AUTS2: variants seen among roughly 807,000 people sequenced by gnomAD.
AUTS2 encodes the protein activator of transcription and developmental regulator AUTS2.
A neutral mutation model predicts 112.4 loss-of-function variants in AUTS2; 17 were observed. The observed-to-expected ratio is 0.15, with a 90% CI of 0.10 to 0.23. The LOEUF is 0.23. Among genes scored for constraint, AUTS2 ranks in the 10% least tolerant of loss-of-function variants. AUTS2 has a pLI of 1.00. For missense variants in AUTS2, 1,510 were observed against 1,701.6 expected (o/e 0.89, Z 1.98); for synonymous variants, 751 against 702.7 (o/e 1.07, Z -1.09).
At chr7:70,648,264 C>T (rs537468705) in intron 5 of AUTS2, among the ~76,000 whole-genome samples, 1 of 152,280 alleles carries the variant, frequency 6.6e-6, no homozygotes, top group African/African-American at 2.4e-5. Context: ...CAGACTACCA[C>T]AGTTTCCTGC....
chr7:70,623,046 G>A lies in AUTS2; in HGVS notation c.691-75523G>A, dbSNP rs574081020. Among the ~76,000 whole-genome samples, 7 of 152,258 alleles carry A rather than the reference G, an allele frequency of 4.6e-5. No individual in the cohort carries two copies. In the South Asian group the frequency reaches 1.4e-3, roughly 32 times the overall value. On this transcript the variant is annotated intron_variant, in intron 5 of 18. Coordinates refer to ENST00000342771, the MANE Select transcript of AUTS2 (RefSeq NM_015570.4). Reference sequence around the variant, plus strand: ...TGCCATAGCAATTAGCAAGAGAGTGGCCGCTTGTGTGCTTGATGGTGTTTT... The same window carrying A: ...TGCCATAGCAATTAGCAAGAGAGTGACCGCTTGTGTGCTTGATGGTGTTTT...
chr7:70,558,386 A>G (rs967431110), intron 5 of AUTS2, among the ~76,000 whole-genome samples: 1 of 152,142 alleles, frequency 6.6e-6, no homozygotes, highest in African/African-American at 2.4e-5. Context: ...CCTTACTAGC[A>G]GCTGTGGGGG....
At chr7:70,404,742 G>A (rs966857912) in intron 4 of AUTS2, among the ~76,000 whole-genome samples, 2 of 152,140 alleles carry the variant, frequency 1.3e-5, no homozygotes, top group Non-Finnish European at 2.9e-5. Flanking sequence ...CCTGCTTGTT[G>A]TTGTTGTATA....
intron 5 of AUTS2, among the ~76,000 whole-genome samples, chr7:70,571,828 G>A (rs924299885): frequency 6.6e-6 from 1 of 152,196 alleles, no homozygotes; most frequent in Non-Finnish European, 1.5e-5. Context: ...CAGGGGTGAA[G>A]CAGGAGGACA....
In AUTS2 at chr7:70,117,104, G is replaced by GTTTTGT. The variant is rs1562710088; in HGVS notation, c.523-1024_523-1023insGTTTTT. ...ACGTAAACTTCATGAGATGACTTTT[G>GTTTTGT]TTTTTTTTTTTTGTTTTTTTTTGTT... On this transcript the variant is annotated intron_variant, in intron 2 of 18. Coordinates refer to ENST00000342771, the MANE Select transcript of AUTS2 (RefSeq NM_015570.4). 2.5e-4 allele frequency among the ~76,000 whole-genome samples: 20 copies of GTTTTGT among 78,454 alleles called. 1 individual carries two copies. Among genetic ancestry groups the GTTTTGT allele is most frequent in the Admixed American group, 3.6e-4 (3 of 8,248 alleles). 51.5% of individuals were successfully genotyped at this position (78,454 alleles called of 152,430 possible).
At chr7:70,008,009 T>G (rs762639977) in intron 2 of AUTS2, among the ~76,000 whole-genome samples, 9 of 152,146 alleles carry the variant, frequency 5.9e-5, no homozygotes, top group Non-Finnish European at 1.0e-4. Flanking sequence ...ATTGATCATT[T>G]TTATTTAATC....
In AUTS2 at chr7:69,777,701, T is replaced by C. The variant is rs1304114532; in HGVS notation, c.310-121585T>C. On this transcript the variant is annotated intron_variant, in intron 1 of 18. Coordinates refer to ENST00000342771, the MANE Select transcript of AUTS2 (RefSeq NM_015570.4). ...AATTATTTACAAATGATTTTTTGTT[T>C]TTTCCCTTTAAAAATTAGGCTTCCG... Among the ~76,000 whole-genome samples, 7 of 152,352 alleles carry C rather than the reference T, an allele frequency of 4.6e-5. 1 individual carries two copies. The East Asian group carries it at 1.3e-3, about 29-fold the overall frequency.
chr7:70,398,980 C>CT lies in AUTS2; in HGVS notation c.661-36754dup, dbSNP rs1184257368. Reference sequence around the variant, plus strand: ...CTATGAAGAAAATCATATGGTCTTTCTTTTTTTTTTTTTTTTTTCTTTTTG... The same window carrying CT: ...CTATGAAGAAAATCATATGGTCTTTCTTTTTTTTTTTTTTTTTTTCTTTTTG... On this transcript the variant is annotated intron_variant, in intron 4 of 18. Transcript: ENST00000342771. 8.0e-3 allele frequency among the ~76,000 whole-genome samples: 1,045 copies of CT among 130,578 alleles called. 6 individuals carry two copies. The highest frequency in any genetic ancestry group is 0.014 in the East Asian group (62 of 4,572). The allele number at this position is 130,578 out of a possible 152,430, so 85.7% of individuals were successfully genotyped here.
chr7:70,091,468 T>C (rs1339165281), intron 2 of AUTS2, among the ~76,000 whole-genome samples: 2 of 152,208 alleles, frequency 1.3e-5, no homozygotes, highest in Non-Finnish European at 2.9e-5. Context: ...CCAGGTCCTA[T>C]AAATTTTTTT....
At chr7:69,985,461 C>G (rs1483081920) in intron 2 of AUTS2, among the ~76,000 whole-genome samples, 7 of 152,100 alleles carry the variant, frequency 4.6e-5, no homozygotes, top group Admixed American at 1.3e-4. Context: ...CCAATATGAT[C>G]TTTTCAAAAC....
chr7:70,361,288 G>A (rs1023638467), intron 4 of AUTS2, among the ~76,000 whole-genome samples: 4 of 151,836 alleles, frequency 2.6e-5, no homozygotes, highest in Admixed American at 1.3e-4. Context: ...AGCCGAGATC[G>A]CGCCACTGCA....
chr7:70,332,264 A>C (rs1790788118), intron 4 of AUTS2, among the ~76,000 whole-genome samples: 1 of 152,226 alleles, frequency 6.6e-6, no homozygotes, highest in Non-Finnish European at 1.5e-5. Flanking sequence ...AGGGATGTGA[A>C]GGACCTCTTC....
At chr7:70,409,991 C>A (rs904416118) in intron 4 of AUTS2, among the ~76,000 whole-genome samples, 3 of 152,198 alleles carry the variant, frequency 2.0e-5, no homozygotes, top group African/African-American at 7.2e-5. Context: ...CATTTAGAAG[C>A]TAGATCCACT....
At chr7:69,838,029 A>G (rs1405198030) in intron 1 of AUTS2, among the ~76,000 whole-genome samples, 1 of 152,088 alleles carries the variant, frequency 6.6e-6, no homozygotes, top group Non-Finnish European at 1.5e-5. Flanking sequence ...CATGTTCTAG[A>G]TGGGATTGTA....
chr7:70,478,962 T>G (rs914261401), intron 5 of AUTS2, among the ~76,000 whole-genome samples: 1 of 152,158 alleles, frequency 6.6e-6, no homozygotes, highest in South Asian at 2.1e-4. Context: ...GCACTTGGCA[T>G]AATATAAATA....
intron 5 of AUTS2, among the ~76,000 whole-genome samples, chr7:70,555,024 TG>T (rs1162478319): frequency 2.6e-5 from 4 of 152,262 alleles, no homozygotes; most frequent in African/African-American, 9.6e-5. Context: ...GTAATAGAGC[TG>T]GACACTGTGA....
intron 1 of AUTS2, among the ~76,000 whole-genome samples, chr7:69,785,903 T>C (rs1047642218): frequency 1.3e-5 from 2 of 152,204 alleles, no homozygotes; most frequent in African/African-American, 4.8e-5. Flanking sequence ...CAATCTCGGC[T>C]TACTGCAACC....
At chr7:69,925,421 A>C (rs181565408) in intron 2 of AUTS2, among the ~76,000 whole-genome samples, 27 of 152,230 alleles carry the variant, frequency 1.8e-4, no homozygotes, top group Admixed American at 3.9e-4. Context: ...CAGCACCCCA[A>C]ATATTCTGAT....
In AUTS2 at chr7:70,686,035, CCTT is replaced by C. The variant is rs1360256816; in HGVS notation, c.691-12527_691-12525del. ...CCAGCACCATCTCCCCCAGCTCAGTCCTTCTTCTTTCATAGTAAGCTCCTGTCT... is the reference window on the plus strand; with the variant it reads ...CCAGCACCATCTCCCCCAGCTCAGTCCTTCTTTCATAGTAAGCTCCTGTCT... On this transcript the variant is annotated intron_variant, in intron 5 of 18. Coordinates refer to ENST00000342771, the MANE Select transcript of AUTS2 (RefSeq NM_015570.4). Among the ~76,000 whole-genome samples the C allele has an allele frequency of 2.0e-4, 31 of 152,312 alleles. No homozygotes were observed. The East Asian group carries it at 4.8e-3, about 24-fold the overall frequency.
Sources: gnomAD v4.1 joint callset for allele counts (sites outside exome capture counted in the v4.1 genomes callset) on GRCh38, gnomAD v4.1.1 for gene constraint, MANE v1.5 for transcripts, NCBI Gene and HGNC (gene_info 2026-07-23, HGNC 2026-07-21) for gene names.